PEBP4: variants seen among roughly 807,000 people sequenced by gnomAD.
PEBP4 encodes the protein phosphatidylethanolamine-binding protein 4.
In PEBP4, 22 loss-of-function variants were observed where a neutral mutation model predicts 23.9. That is an observed-to-expected ratio of 0.92 (90% CI 0.66 to 1.31). The LOEUF (loss-of-function observed/expected upper bound fraction) is 1.31. Ranked by LOEUF, PEBP4 falls within the 40% of genes most tolerant of loss-of-function variation. PEBP4 has a pLI of 0.00. For synonymous variants in PEBP4, 112 were observed against 99.3 expected (o/e 1.13, Z -0.76); for missense variants, 324 against 281.7 (o/e 1.15, Z -1.07).
At chr8:22,898,426 A>C (rs1262836875) in intron 3 of PEBP4, among the ~76,000 whole-genome samples, 9 of 140,614 alleles carry the variant, frequency 6.4e-5, no homozygotes, top group African/African-American at 8.0e-5. Flanking sequence ...AAAAAAAAAA[A>C]AAAAACCCAC....
At chr8:22,900,120 C>A (rs953876008) in intron 3 of PEBP4, among the ~76,000 whole-genome samples, 4 of 152,168 alleles carry the variant, frequency 2.6e-5, no homozygotes, top group Admixed American at 6.5e-5. Context: ...ACAGGACTAC[C>A]ATGAGACAAG....
intron 6 of PEBP4, among the ~76,000 whole-genome samples, chr8:22,720,310 T>C (rs17748430): frequency 0.038 from 5,787 of 152,152 alleles, 140 homozygotes; most frequent in Admixed American, 0.045. Context: ...GGATCAGCCT[T>C]GTGGGGTTGT....
At chr8:22,848,084 A>G (rs1392927976) in intron 3 of PEBP4, among the ~76,000 whole-genome samples, 2 of 151,990 alleles carry the variant, frequency 1.3e-5, no homozygotes, top group Non-Finnish European at 2.9e-5. Flanking sequence ...AAGCCGTTTT[A>G]TGCCTCATTA....
At chr8:22,851,791 A>G (rs986059520) in intron 3 of PEBP4, among the ~76,000 whole-genome samples, 5 of 152,134 alleles carry the variant, frequency 3.3e-5, no homozygotes, top group Non-Finnish European at 5.9e-5. Context: ...CTGATAATTG[A>G]ATCTCGGTGC....
intron 3 of PEBP4, chr8:22,887,901 T>C (rs539690764): frequency 1.3e-5 from 2 of 152,320 alleles, no homozygotes; most frequent in South Asian, 2.1e-4. Flanking sequence ...GCTGCTTCAG[T>C]AGGTAACTGA....
chr8:22,755,482 C>T (rs1180254269), intron 4 of PEBP4, among the ~76,000 whole-genome samples: 2 of 151,930 alleles, frequency 1.3e-5, no homozygotes, highest in Admixed American at 6.6e-5. Context: ...ATTACAGGTG[C>T]CCGCCACCAC....
chr8:22,778,936 C>T (rs774024386), intron 4 of PEBP4, among the ~76,000 whole-genome samples: 2 of 152,128 alleles, frequency 1.3e-5, no homozygotes, highest in African/African-American at 2.4e-5. Flanking sequence ...AGGCTGTCCT[C>T]GGAGGTGTGA....
intron 4 of PEBP4, among the ~76,000 whole-genome samples, chr8:22,815,624 G>A (rs1347532432): frequency 6.6e-6 from 1 of 152,228 alleles, no homozygotes; most frequent in African/African-American, 2.4e-5. Flanking sequence ...CAGTGCAAAT[G>A]TGACGGAAAC....
At chr8:22,837,284 A>G (rs891924810) in intron 3 of PEBP4, among the ~76,000 whole-genome samples, 3 of 152,222 alleles carry the variant, frequency 2.0e-5, no homozygotes, top group Admixed American at 2.0e-4. Context: ...CCATCAGAGA[A>G]AGCTAGTGGT....
chr8:22,921,534 T>C (rs547383017), intron 2 of PEBP4, among the ~76,000 whole-genome samples: 2 of 151,820 alleles, frequency 1.3e-5, no homozygotes, highest in East Asian at 3.9e-4. Flanking sequence ...CTCCCACCCT[T>C]CCAGTGGCTC....
chr8:22,794,843 C>T (rs1806210404), intron 4 of PEBP4, among the ~76,000 whole-genome samples: 1 of 151,930 alleles, frequency 6.6e-6, no homozygotes, highest in Non-Finnish European at 1.5e-5. Flanking sequence ...TCTTCTGATT[C>T]TATTATGGTT....
chr8:22,764,425 G>A (rs895863980), intron 4 of PEBP4, among the ~76,000 whole-genome samples: 1 of 152,150 alleles, frequency 6.6e-6, no homozygotes, highest in Non-Finnish European at 1.5e-5. Flanking sequence ...GCTTCAGGGT[G>A]CACTAAGTTA....
intron 4 of PEBP4, among the ~76,000 whole-genome samples, chr8:22,743,702 C>A (rs1003506897): frequency 6.6e-6 from 1 of 152,192 alleles, no homozygotes; most frequent in East Asian, 1.9e-4. Context: ...TGCATCCACC[C>A]TGATTCTTAA....
At chr8:22,849,868 G>T (rs1204377272) in intron 3 of PEBP4, among the ~76,000 whole-genome samples, 1 of 152,214 alleles carries the variant, frequency 6.6e-6, no homozygotes, top group Non-Finnish European at 1.5e-5. Flanking sequence ...GCTGTGGAAT[G>T]CAACTGGTTT....
chr8:22,873,922 T>G (rs1021302505), intron 3 of PEBP4, among the ~76,000 whole-genome samples: 27 of 152,274 alleles, frequency 1.8e-4, no homozygotes, highest in African/African-American at 6.5e-4. Flanking sequence ...AGCCCCTCCC[T>G]GTTTCTCTAG....
intron 4 of PEBP4, among the ~76,000 whole-genome samples, chr8:22,783,173 C>T (rs1199599836): frequency 1.3e-5 from 2 of 152,242 alleles, no homozygotes; most frequent in East Asian, 3.8e-4. Flanking sequence ...AGGGCTCTGT[C>T]TCCCCCATTC....
intron 4 of PEBP4, among the ~76,000 whole-genome samples, chr8:22,797,928 G>A (rs988558318): frequency 2.0e-5 from 3 of 152,150 alleles, no homozygotes; most frequent in Non-Finnish European, 4.4e-5. Flanking sequence ...GGCTGTGCAC[G>A]GGTGCAGGAG....
chr8:22,800,343 T>C lies in PEBP4; in HGVS notation c.357+17294A>G, dbSNP rs532702888. ...CTTGATTCCGGTCCACACTCTGCAC[T>C]GATAAGCTTCTATGACCCTGGACCT... On this transcript the variant is annotated intron_variant, in intron 4 of 6. Transcript: ENST00000256404. Among the ~76,000 whole-genome samples the C allele has an allele frequency of 2.0e-5, 3 of 152,186 alleles. No homozygotes were observed. The East Asian group carries it at 5.8e-4, about 29-fold the overall frequency.
At chr8:22,808,068 C>T (rs1033333099) in intron 4 of PEBP4, among the ~76,000 whole-genome samples, 8 of 152,014 alleles carry the variant, frequency 5.3e-5, no homozygotes, top group African/African-American at 1.9e-4. Context: ...TTCATGCATC[C>T]ATCCACCTAT....
Sources: gnomAD v4.1 joint callset for allele counts (sites outside exome capture counted in the v4.1 genomes callset) on GRCh38, gnomAD v4.1.1 for gene constraint, MANE v1.5 for transcripts, NCBI Gene and HGNC (gene_info 2026-07-23, HGNC 2026-07-21) for gene names.